Variants in BMP6 observed in about 807,000 individuals in gnomAD.
The protein encoded by BMP6 is VG-1-R.
In BMP6, 17 loss-of-function variants were observed where a neutral mutation model predicts 54.1. The ratio of observed to expected loss-of-function variants is 0.31; its 90% CI spans 0.22 to 0.47. The LOEUF (loss-of-function observed/expected upper bound fraction) is 0.47. Ranked by LOEUF, BMP6 falls within the 20% of genes least tolerant of loss-of-function variation. The probability of loss-of-function intolerance (pLI) is 1.00; values close to 1 mark genes in which losing one functional copy is unlikely to be tolerated. For missense variants in BMP6, 720 were observed against 690.4 expected (o/e 1.04, Z -0.48); for synonymous variants, 328 against 291.2 (o/e 1.13, Z -1.28).
chr6:7,808,835 G>A (rs1319133463), intron 1 of BMP6, among the ~76,000 whole-genome samples: 1 of 148,810 alleles, frequency 6.7e-6, no homozygotes, highest in Non-Finnish European at 1.5e-5. Context: ...GATTGCTTGA[G>A]CCCAGGAGGT....
intron 3 of BMP6, among the ~76,000 whole-genome samples, 165 bp downstream of exon 3, chr6:7,861,764 C>T (rs556731034): frequency 2.0e-5 from 3 of 152,274 alleles, no homozygotes; most frequent in South Asian, 2.1e-4. Context: ...AAACCTTTCC[C>T]GGAGGCCTCC....
intron 1 of BMP6, among the ~76,000 whole-genome samples, chr6:7,820,402 C>T (rs897182075): frequency 1.3e-5 from 2 of 152,174 alleles, no homozygotes; most frequent in African/African-American, 4.8e-5. Flanking sequence ...CCTCGCAAAT[C>T]GAAAGCTCTG....
intron 1 of BMP6, among the ~76,000 whole-genome samples, chr6:7,817,611 T>A (rs991044173): frequency 1.3e-5 from 2 of 150,884 alleles, no homozygotes; most frequent in South Asian, 2.1e-4. Flanking sequence ...CATTAGGAGA[T>A]ATACCTAATG....
At chr6:7,773,634 TAAAAG>T (rs1016760911) in intron 1 of BMP6, among the ~76,000 whole-genome samples, 4 of 152,302 alleles carry the variant, frequency 2.6e-5, no homozygotes, top group South Asian at 2.1e-4. Context: ...CCAAAAGTTT[TAAAAG>T]GAAAGGGATA....
intron 1 of BMP6, among the ~76,000 whole-genome samples, chr6:7,736,305 TAAAG>T (rs1761954825): frequency 6.6e-6 from 1 of 152,134 alleles, no homozygotes; most frequent in Non-Finnish European, 1.5e-5. Flanking sequence ...GGGAGTAAAA[TAAAG>T]AAGCCTGAAG....
intron 1 of BMP6, among the ~76,000 whole-genome samples, chr6:7,795,646 A>G (rs1298506488): frequency 6.6e-6 from 1 of 152,178 alleles, no homozygotes; most frequent in Non-Finnish European, 1.5e-5. Flanking sequence ...AAGAGAGTGC[A>G]TGGGATAGAA....
chr6:7,727,490 G>A lies in BMP6; in HGVS notation c.535G>A (p.Ala179Thr). Residue 179 changes from alanine (A) to threonine (T), a missense_variant, in exon 1 of 7, where the codon GCG (alanine) becomes ACG (threonine). By Grantham distance (58) the Ala-to-Thr change is moderately conservative. Coordinates refer to ENST00000283147, the MANE Select transcript of BMP6 (RefSeq NM_001718.6). ...GCGTCGGCAGCCGCCCCCGGGCGCCGCGCACCCGCTCAACCGCAAGAGCCT... is the reference window on the plus strand; with the variant it reads ...GCGTCGGCAGCCGCCCCCGGGCGCCACGCACCCGCTCAACCGCAAGAGCCT... ...SQRRQPPPGAAHPLNRKSLLA... is the reference protein window; with the variant it reads ...SQRRQPPPGATHPLNRKSLLA... 6.3e-7 allele frequency: 1 copy of A among 1,594,326 alleles called. No homozygotes were observed. Among genetic ancestry groups the A allele is most frequent in the Non-Finnish European group, 8.5e-7 (1 of 1,175,766 alleles).
In BMP6 at chr6:7,871,657, A is replaced by G. The variant is rs138742613; in HGVS notation, c.1205-7417A>G. Among the ~76,000 whole-genome samples the G allele has an allele frequency of 2.6e-5, 4 of 152,280 alleles. No individual in the cohort carries two copies. The East Asian group carries it at 7.7e-4, about 29-fold the overall frequency. On this transcript the variant is annotated intron_variant, in intron 4 of 6. Transcript: ENST00000283147. Reference sequence around the variant, plus strand: ...GGGACCAGATTTCACTGTGTATTCAACTTTGAAAAAGCCAGAGCCCTTGAA... The same window carrying G: ...GGGACCAGATTTCACTGTGTATTCAGCTTTGAAAAAGCCAGAGCCCTTGAA...
Position 7,836,151 on chromosome 6 carries a change from T to G in BMP6, c.665-8989T>G, listed in dbSNP as rs543168172. Among the ~76,000 whole-genome samples the G allele has an allele frequency of 2.8e-4, 43 of 152,194 alleles. No individual in the cohort carries two copies. In the South Asian group the frequency reaches 8.9e-3, roughly 32 times the overall value. Reference sequence around the variant, plus strand: ...CTGCGCCCGGCCTATCTCCCCAGTTTAAAGTGAAATTAATACCTATATTTG... The same window carrying G: ...CTGCGCCCGGCCTATCTCCCCAGTTGAAAGTGAAATTAATACCTATATTTG... On this transcript the variant is annotated intron_variant, in intron 1 of 6. Transcript: ENST00000283147.
At chr6:7,838,941 CAAAAAAAAAA>C (rs778664842) in intron 1 of BMP6, among the ~76,000 whole-genome samples, 38 of 59,170 alleles carry the variant, frequency 6.4e-4, no homozygotes, top group Non-Finnish European at 1.1e-3. Flanking sequence ...GACTCTGTCT[CAAAAAAAAAA>C]AAAAAAAAAA....
At chr6:7,866,431 G>T (rs1759425342) in intron 4 of BMP6, among the ~76,000 whole-genome samples, 1 of 152,174 alleles carries the variant, frequency 6.6e-6, no homozygotes, top group Non-Finnish European at 1.5e-5. Context: ...TTTTATGGTA[G>T]CTCTCACTTG....
intron 1 of BMP6, among the ~76,000 whole-genome samples, chr6:7,750,185 A>T (rs1757401410): frequency 1.3e-5 from 2 of 152,206 alleles, no homozygotes; most frequent in African/African-American, 4.8e-5. Flanking sequence ...CAAACATTTA[A>T]CATGTTGTGT....
chr6:7,816,946 C>G (rs1381991434), intron 1 of BMP6, among the ~76,000 whole-genome samples: 1 of 152,106 alleles, frequency 6.6e-6, no homozygotes, highest in African/African-American at 2.4e-5. Context: ...AGATCAGATC[C>G]TTCAGTTAAC....
chr6:7,743,486 C>G (rs1757300999), intron 1 of BMP6, among the ~76,000 whole-genome samples: 1 of 150,638 alleles, frequency 6.6e-6, no homozygotes. Context: ...TTTTCTGAAG[C>G]CAATGGATTG....
At chr6:7,846,524 G>A (rs1206091485) in intron 2 of BMP6, among the ~76,000 whole-genome samples, 1 of 152,196 alleles carries the variant, frequency 6.6e-6, no homozygotes, top group Non-Finnish European at 1.5e-5. Context: ...AAACACAGAA[G>A]GAGGAAGGAC....
chr6:7,731,643 AT>A (rs1317633832), intron 1 of BMP6, among the ~76,000 whole-genome samples: 1 of 152,202 alleles, frequency 6.6e-6, no homozygotes. Context: ...TCAAATTCAT[AT>A]TTCACTGATT....
At chr6:7,755,637 T>C (rs1208534708) in intron 1 of BMP6, among the ~76,000 whole-genome samples, 1 of 152,148 alleles carries the variant, frequency 6.6e-6, no homozygotes, top group Non-Finnish European at 1.5e-5. Flanking sequence ...TCTCACACTC[T>C]TTATTCCTTT....
At chr6:7,794,164 G>A (rs141056319) in intron 1 of BMP6, among the ~76,000 whole-genome samples, 8 of 152,246 alleles carry the variant, frequency 5.3e-5, no homozygotes, top group Non-Finnish European at 1.2e-4. Flanking sequence ...GTGGAGGGAG[G>A]TACACCTGGC....
At chr6:7,758,170 T>G (rs1378906605) in intron 1 of BMP6, among the ~76,000 whole-genome samples, 1 of 152,234 alleles carries the variant, frequency 6.6e-6, no homozygotes, top group Non-Finnish European at 1.5e-5. Context: ...ACGTTTTGCA[T>G]ATTGCCTTAT....
Sources: gnomAD v4.1 joint callset for allele counts (sites outside exome capture counted in the v4.1 genomes callset) on GRCh38, gnomAD v4.1.1 for gene constraint, MANE v1.5 for transcripts, NCBI Gene and HGNC (gene_info 2026-07-23, HGNC 2026-07-21) for gene names.